Variants in CATSPERT observed in about 807,000 individuals in gnomAD.
CATSPERT encodes cation channel sperm-associated targeting subunit tau.
the CATSPERT span, among the ~76,000 whole-genome samples, chr2:201,591,161 A>G: frequency 3.3e-5 from 5 of 152,116 alleles, no homozygotes; most frequent in East Asian, 5.8e-4. Context: ...TGATTTTTGT[A>G]TAAGGTGTAA....
At chr2:201,530,414 G>A in the CATSPERT span, among the ~76,000 whole-genome samples, 17 of 152,154 alleles carry the variant, frequency 1.1e-4, no homozygotes, top group African/African-American at 2.2e-4. Flanking sequence ...GGAATACTAC[G>A]CAGCCTTAAA....
chr2:201,502,181 G>A, the CATSPERT span, among the ~76,000 whole-genome samples: 5 of 152,158 alleles, frequency 3.3e-5, no homozygotes, highest in African/African-American at 9.7e-5. Flanking sequence ...TCCAAAAAAC[G>A]TTTCTACTGT....
chr2:201,560,549 A>C, the CATSPERT span, among the ~76,000 whole-genome samples: 1 of 151,986 alleles, frequency 6.6e-6, no homozygotes, highest in South Asian at 2.1e-4. Flanking sequence ...TGAACTTAAA[A>C]GAAGGTCTAT....
chr2:201,493,162 A>T, the CATSPERT span: 19 of 1,528,530 alleles, frequency 1.2e-5, no homozygotes, highest in Admixed American at 4.0e-5. Context: ...TGATTCACTA[A>T]GTTTATCCAT....
chr2:201,609,395 C>T, the CATSPERT span, among the ~76,000 whole-genome samples: 3 of 152,210 alleles, frequency 2.0e-5, no homozygotes, highest in African/African-American at 7.2e-5. Context: ...ACATACTCTT[C>T]TCATCACCAC....
the CATSPERT span, among the ~76,000 whole-genome samples, chr2:201,548,739 AG>A: frequency 6.6e-6 from 1 of 152,158 alleles, no homozygotes; most frequent in Admixed American, 6.5e-5. Flanking sequence ...ATTACAAAAA[AG>A]AAAAATTACA....
chr2:201,494,071 G>A, the CATSPERT span: 2 of 1,534,938 alleles, frequency 1.3e-6, no homozygotes, highest in Non-Finnish European at 1.7e-6. Context: ...AAATGAATCT[G>A]CAGGAATATT....
the CATSPERT span, chr2:201,545,629 CAAAAAAAAAAAAAAA>C: frequency 2.6e-5 from 4 of 152,460 alleles, no homozygotes; most frequent in Non-Finnish European, 4.2e-5. Context: ...TTCCTAGAAG[CAAAAAAAAAAAAAAA>C]AAAAAAAAAG....
At chr2:201,494,960 T>G in the CATSPERT span, among the ~76,000 whole-genome samples, 2 of 152,128 alleles carry the variant, frequency 1.3e-5, no homozygotes, top group African/African-American at 4.8e-5. Context: ...TTCAAATTCT[T>G]AATTCTGACA....
chr2:201,561,358 A>T, the CATSPERT span, among the ~76,000 whole-genome samples: 43 of 152,306 alleles, frequency 2.8e-4, no homozygotes, highest in East Asian at 5.8e-4. Context: ...CGACTTTTTT[A>T]AAAAAATTAA....
the CATSPERT span, among the ~76,000 whole-genome samples, chr2:201,496,938 A>G: frequency 2.6e-5 from 4 of 152,192 alleles, no homozygotes; most frequent in South Asian, 6.2e-4. Flanking sequence ...GTGAGGGAGA[A>G]TGAGTGGCTT....
At chr2:201,597,052 T>A in the CATSPERT span, among the ~76,000 whole-genome samples, 2 of 152,222 alleles carry the variant, frequency 1.3e-5, no homozygotes, top group South Asian at 2.1e-4. Flanking sequence ...ATTTTTTAAA[T>A]ATCTTCCTCT....
chr2:201,582,014 A>C, the CATSPERT span: 2 of 1,507,374 alleles, frequency 1.3e-6, no homozygotes, highest in South Asian at 1.3e-5. Flanking sequence ...AAAAAAGCCC[A>C]TCAAGTATAA....
chr2:201,535,943 G>A, the CATSPERT span: 1 of 1,579,586 alleles, frequency 6.3e-7, no homozygotes, highest in Non-Finnish European at 8.6e-7. Flanking sequence ...TTAGATTGTT[G>A]TTTTGCCAGC....
chr2:201,587,650 T>G, the CATSPERT span, among the ~76,000 whole-genome samples: 1 of 152,186 alleles, frequency 6.6e-6, no homozygotes, highest in African/African-American at 2.4e-5. Flanking sequence ...GAATGGGACG[T>G]ACATATGTGT....
chr2:201,617,455 G>A, the CATSPERT span, among the ~76,000 whole-genome samples: 1 of 152,138 alleles, frequency 6.6e-6, no homozygotes, highest in Non-Finnish European at 1.5e-5. Flanking sequence ...CAAGAAATGG[G>A]GAAAGGATTC....
chr2:201,573,798 A>T, the CATSPERT span, among the ~76,000 whole-genome samples: 1 of 152,036 alleles, frequency 6.6e-6, no homozygotes, highest in Admixed American at 6.5e-5. Flanking sequence ...CTGGGATTAC[A>T]GGCGCCTGCC....
the CATSPERT span, among the ~76,000 whole-genome samples, chr2:201,601,191 AC>A: frequency 6.6e-6 from 1 of 151,974 alleles, no homozygotes; most frequent in Admixed American, 6.6e-5. Flanking sequence ...TCAACCACTT[AC>A]CACTTACCAG....
the CATSPERT span, among the ~76,000 whole-genome samples, chr2:201,536,531 G>A: frequency 5.9e-5 from 9 of 151,920 alleles, no homozygotes; most frequent in African/African-American, 2.2e-4. Context: ...CCATAAAAAT[G>A]ATAAAGCAGT....
Sources: gnomAD v4.1 joint callset for allele counts (sites outside exome capture counted in the v4.1 genomes callset) on GRCh38, gnomAD v4.1.1 for gene constraint, MANE v1.5 for transcripts, NCBI Gene and HGNC (gene_info 2026-07-23, HGNC 2026-07-21) for gene names.